Variants in ACYP2 observed in about 807,000 individuals in gnomAD.
The protein encoded by ACYP2 is acylphosphatase-2.
In ACYP2, 12 loss-of-function variants were observed where a neutral mutation model predicts 11.2. That is an observed-to-expected ratio of 1.08 (90% CI 0.69 to 1.74). The LOEUF (loss-of-function observed/expected upper bound fraction) is 1.74, where lower values mean the gene tolerates loss of function less well. ACYP2 is among the 40% of genes most tolerant of loss of function. ACYP2 has a pLI of 0.00. For missense variants in ACYP2, 134 were observed against 101.9 expected (o/e 1.31, Z -1.35); for synonymous variants, 43 against 32.2 (o/e 1.33, Z -1.13).
chr2:54,098,681 A>G (rs1042916297), intron 4 of ACYP2, among the ~76,000 whole-genome samples: 27 of 151,264 alleles, frequency 1.8e-4, no homozygotes, highest in African/African-American at 6.3e-4. Flanking sequence ...TTTGGTCACT[A>G]ACCTCTGCTA....
chr2:53,977,111 G>A (rs1671532008), intron 2 of ACYP2, among the ~76,000 whole-genome samples: 1 of 152,060 alleles, frequency 6.6e-6, no homozygotes, highest in Non-Finnish European at 1.5e-5. Flanking sequence ...GCAGTGGCAT[G>A]ATCTGGGCTC....
At chr2:54,028,891 G>C (rs942574007) in intron 2 of ACYP2, among the ~76,000 whole-genome samples, 2 of 152,166 alleles carry the variant, frequency 1.3e-5, no homozygotes, top group African/African-American at 4.8e-5. Flanking sequence ...CGGCACAGTG[G>C]TTTACTTCTG....
At chr2:54,115,900 G>A in intron 4 of ACYP2, 144 bp downstream of exon 1, 2 of 1,128,370 alleles carry the variant, frequency 1.8e-6, no homozygotes, top group Non-Finnish European at 2.4e-6. Context: ...GCGGCGGCGG[G>A]GAGGGAGGCG....
intron 4 of ACYP2, among the ~76,000 whole-genome samples, chr2:54,124,941 A>G (rs1258798041): frequency 6.6e-6 from 1 of 152,074 alleles, no homozygotes; most frequent in African/African-American, 2.4e-5. Flanking sequence ...TTTTGTAGAG[A>G]TGGGGTTTCA....
At chr2:54,298,486 G>A (rs749883479) in intron 6 of ACYP2, among the ~76,000 whole-genome samples, 3 of 152,132 alleles carry the variant, frequency 2.0e-5, no homozygotes, top group Admixed American at 6.6e-5. Context: ...GACAAATAAC[G>A]GGAGATAAAG....
intron 5 of ACYP2, among the ~76,000 whole-genome samples, chr2:54,137,075 A>G (rs1308879126): frequency 6.6e-6 from 1 of 152,196 alleles, no homozygotes; most frequent in East Asian, 1.9e-4. Flanking sequence ...CTTACATAGC[A>G]TAACTGAATT....
intron 6 of ACYP2, among the ~76,000 whole-genome samples, chr2:54,261,106 C>A (rs1687757261): frequency 6.6e-6 from 1 of 152,146 alleles, no homozygotes; most frequent in Non-Finnish European, 1.5e-5. Flanking sequence ...CCCAAGGGTA[C>A]ACATACATTA....
chr2:54,119,392 A>T (rs1184720998), intron 4 of ACYP2, among the ~76,000 whole-genome samples: 1 of 152,198 alleles, frequency 6.6e-6, no homozygotes, highest in Non-Finnish European at 1.5e-5. Context: ...ACAATAAAAT[A>T]AATAAAGTAT....
intron 4 of ACYP2, among the ~76,000 whole-genome samples, chr2:54,070,270 C>CAA (rs200624759): frequency 3.7e-4 from 33 of 89,896 alleles, no homozygotes; most frequent in East Asian, 7.4e-4. Context: ...AAGTCCATCT[C>CAA]AAAAAAAAAA....
At chr2:54,192,908 T>G (rs888230864) in intron 6 of ACYP2, among the ~76,000 whole-genome samples, 7 of 152,108 alleles carry the variant, frequency 4.6e-5, no homozygotes, top group African/African-American at 1.4e-4. Context: ...GAGAACAGCA[T>G]GGGGGAAACT....
At chr2:54,179,867 G>A (rs747095493) in intron 6 of ACYP2, among the ~76,000 whole-genome samples, 16 of 152,138 alleles carry the variant, frequency 1.1e-4, no homozygotes, top group Non-Finnish European at 2.1e-4. Context: ...ATTTTACCCA[G>A]CTCCTATTCA....
At chr2:54,015,641 C>G (rs1673638126) in intron 2 of ACYP2, among the ~76,000 whole-genome samples, 1 of 118,422 alleles carries the variant, frequency 8.4e-6, no homozygotes, top group Admixed American at 8.8e-5. Flanking sequence ...AGAGTGAGAC[C>G]CCGTCACACA....
intron 2 of ACYP2, among the ~76,000 whole-genome samples, chr2:54,013,697 A>G (rs997137741): frequency 1.3e-5 from 2 of 151,100 alleles, no homozygotes; most frequent in Non-Finnish European, 2.9e-5. Flanking sequence ...TAACAGTTCC[A>G]GACACAGAGA....
chr2:54,090,625 C>T (rs942075324), intron 4 of ACYP2, among the ~76,000 whole-genome samples: 3 of 152,140 alleles, frequency 2.0e-5, no homozygotes, highest in African/African-American at 7.2e-5. Flanking sequence ...AGTGAGACTC[C>T]GTCTCAAAAC....
chr2:54,220,002 A>G (rs1355732851), intron 6 of ACYP2, among the ~76,000 whole-genome samples: 2 of 149,392 alleles, frequency 1.3e-5, no homozygotes, highest in East Asian at 3.9e-4. Flanking sequence ...TCAGCCTCCC[A>G]AAGTGCGGGA....
chr2:54,235,345 T>C (rs1472655641), intron 6 of ACYP2, among the ~76,000 whole-genome samples: 1 of 152,054 alleles, frequency 6.6e-6, no homozygotes, highest in Non-Finnish European at 1.5e-5. Context: ...CAAGTTTTTT[T>C]TGTTCTGTTT....
At chr2:54,187,303 T>C (rs1215245690) in intron 6 of ACYP2, among the ~76,000 whole-genome samples, 2 of 152,166 alleles carry the variant, frequency 1.3e-5, no homozygotes, top group Non-Finnish European at 2.9e-5. Context: ...AGGGATGTCA[T>C]TGGCGTGATC....
At chr2:54,075,993 A>G (rs1677321047) in intron 4 of ACYP2, among the ~76,000 whole-genome samples, 3 of 152,174 alleles carry the variant, frequency 2.0e-5, no homozygotes, top group African/African-American at 2.4e-5. Context: ...TTTGCATTAT[A>G]AAAAGTGTTT....
intron 6 of ACYP2, among the ~76,000 whole-genome samples, chr2:54,141,686 T>C (rs1681609552): frequency 6.6e-6 from 1 of 152,204 alleles, no homozygotes; most frequent in East Asian, 1.9e-4. Flanking sequence ...CCTCTCACTG[T>C]TCTTTTTGAT....
Sources: allele counts gnomAD v4.1 joint callset (sites outside exome capture counted in the v4.1 genomes callset), GRCh38; gene constraint gnomAD v4.1.1; transcripts MANE v1.5; gene names NCBI Gene and HGNC (gene_info 2026-07-23, HGNC 2026-07-21).